PIANP: variants seen among roughly 807,000 people sequenced by gnomAD.
PIANP encodes the protein PILR alpha-associated neural protein.
A neutral mutation model predicts 28.9 loss-of-function variants in PIANP; 14 were observed. The observed-to-expected ratio is 0.49, with a 90% CI of 0.32 to 0.76. The LOEUF (loss-of-function observed/expected upper bound fraction) is 0.76. PIANP is among the 30% of genes least tolerant of loss of function. The probability of loss-of-function intolerance (pLI) is 0.03; values close to 1 mark genes in which losing one functional copy is unlikely to be tolerated. For synonymous variants in PIANP, 149 were observed against 156.6 expected, an observed-to-expected ratio of 0.95 and a Z score of 0.36; for missense variants, 322 against 371.8, an observed-to-expected ratio of 0.87 and a Z score of 1.10.
At position 6,700,795 on chromosome 12, in the gene PIANP, C is replaced by G. The variant is rs1355543431; in HGVS notation, c.-225G>C. On this transcript the variant is annotated 5_prime_UTR_variant, in exon 1 of 5. Coordinates refer to ENST00000534837, the MANE Select transcript of PIANP (RefSeq NM_001244014.2). The surrounding 1 kb of genome is among the most constrained non-coding windows in gnomAD (Gnocchi z 5.5). ...CGGCGGCGGTGGGAGATGCTCGCCT[C>G]GGCTCGGCTCGGCTCGGCTCGGCTG... 2.0e-5 allele frequency: 3 copies of G among 150,756 alleles called. No homozygotes were observed. Among genetic ancestry groups the G allele is most frequent in the African/African-American group, 4.9e-5 (2 of 40,948 alleles). 9.3% of individuals were successfully genotyped at this position (150,756 alleles called of 1,614,324 possible).
rs949451533 is a variant in PIANP at position 6,694,394 on chromosome 12, C to G, written c.*1032G>C. 1.3e-5 allele frequency: 2 copies of G among 152,510 alleles called. No individual in the cohort carries two copies. The highest frequency in any genetic ancestry group is 4.8e-5 in the African/African-American group (2 of 41,408). 9.4% of individuals were successfully genotyped at this position (152,510 alleles called of 1,614,324 possible). Reference sequence around the variant, plus strand: ...CCAAGGGGGAGCCCTCAGGGTGATGCCGGCATCCTTGGAGTAGGATGGGGA... The same window carrying G: ...CCAAGGGGGAGCCCTCAGGGTGATGGCGGCATCCTTGGAGTAGGATGGGGA... On this transcript the variant is annotated 3_prime_UTR_variant, in exon 5 of 5. Coordinates refer to ENST00000534837, the MANE Select transcript of PIANP (RefSeq NM_001244014.2). This position sits in a 1 kb window ranked among gnomAD's most constrained non-coding sequence, Gnocchi z 6.1.
In PIANP at chr12:6,697,461, C is replaced by T. The variant is rs1019797224; in HGVS notation, c.349G>A (p.Gly117Arg). 6.2e-7 allele frequency: 1 copy of T among 1,613,934 alleles called. No homozygotes were observed. Among genetic ancestry groups the T allele is most frequent in the Non-Finnish European group, 8.5e-7 (1 of 1,179,904 alleles). Residue 117 changes from glycine to arginine, a missense_variant, in exon 3 of 5, where the codon GGA (glycine) becomes AGA (arginine). Gly to Arg is a moderately radical substitution (Grantham distance 125). Coordinates refer to ENST00000534837, the MANE Select transcript of PIANP (RefSeq NM_001244014.2). This position sits in a 1 kb window ranked among gnomAD's most constrained non-coding sequence, Gnocchi z 6.9. Reference sequence around the variant, plus strand: ...GGATTGGCAGAGTTGGGGTCCCCTCCATCCTCTCGAGACACGGTGGGACCC... The same window carrying T: ...GGATTGGCAGAGTTGGGGTCCCCTCTATCCTCTCGAGACACGGTGGGACCC... ...VWGPTVSRED[G>R]GDPNSANPGF...
In PIANP at chr12:6,695,033, G is replaced by T; in HGVS notation, c.*393C>A. On this transcript the variant is annotated 3_prime_UTR_variant, in exon 5 of 5. Coordinates refer to ENST00000534837, the MANE Select transcript of PIANP (RefSeq NM_001244014.2). The surrounding 1 kb of genome is among the most constrained non-coding windows in gnomAD (Gnocchi z 4.2). ...GCTTGGCTGCACCCCAACATTGGGG[G>T]CATCACAGATTCACCAGGGGAATCC... The T allele has an allele frequency of 6.4e-7, 1 of 1,566,428 alleles. No individual in the cohort carries two copies. The highest frequency in any genetic ancestry group is 1.2e-5 in the South Asian group (1 of 84,830).
chr12:6,696,368 T>A lies in PIANP; in HGVS notation c.605+75A>T. On this transcript the variant is annotated intron_variant, in intron 4 of 4. Coordinates refer to ENST00000534837, the MANE Select transcript of PIANP (RefSeq NM_001244014.2). This position sits in a 1 kb window ranked among gnomAD's most constrained non-coding sequence, Gnocchi z 4.0. The stretch of plus-strand genomic sequence containing the variant: ...CACCCCCCAGCAAAATTGCTGCCAC[T>A]GCCCCTCGTGGTTAGAGCCTCGACT... The A allele has an allele frequency of 9.2e-5, 95 of 1,028,800 alleles. No homozygotes were observed. Among genetic ancestry groups the A allele is most frequent in the Middle Eastern group, 2.1e-4 (1 of 4,658 alleles). The allele number at this position is 1,028,800 out of a possible 1,614,324, so 63.7% of individuals were successfully genotyped here.
At position 6,696,398 on chromosome 12, in the gene PIANP, A is replaced by C; in HGVS notation, c.605+45T>G. ...CTCGTGGTTAGAGCCTCGACTGCCA[A>C]ACATTCCGTCCCCATCCACCAGCAC... On this transcript the variant is annotated intron_variant, in intron 4 of 4. Transcript: ENST00000534837. The surrounding 1 kb of genome is among the most constrained non-coding windows in gnomAD (Gnocchi z 4.0). The C allele has an allele frequency of 6.8e-7, 1 of 1,478,590 alleles. No individual in the cohort carries two copies. Among genetic ancestry groups the C allele is most frequent in the Non-Finnish European group, 9.1e-7 (1 of 1,095,022 alleles). 91.6% of individuals were successfully genotyped at this position (1,478,590 alleles called of 1,614,324 possible).
At position 6,695,119 on chromosome 12, in the gene PIANP, A is replaced by C; in HGVS notation, c.*307T>G. On this transcript the variant is annotated 3_prime_UTR_variant, in exon 5 of 5. Coordinates refer to ENST00000534837, the MANE Select transcript of PIANP (RefSeq NM_001244014.2). The surrounding 1 kb of genome is among the most constrained non-coding windows in gnomAD (Gnocchi z 4.2). ...AGGGGTAGGCCAGAATAGAAGGGGA[A>C]GTTCAAGACAAAGAGGGGGAATCAA... 4 of 1,536,070 alleles carry C rather than the reference A, an allele frequency of 2.6e-6. No individual in the cohort carries two copies. Among genetic ancestry groups the C allele is most frequent in the Non-Finnish European group, 3.5e-6 (4 of 1,140,926 alleles).
rs1959843106 is a variant in PIANP at position 6,695,749 on chromosome 12, C to T, written c.606-98G>A. On this transcript the variant is annotated intron_variant, in intron 4 of 4. Transcript: ENST00000534837. This position sits in a 1 kb window ranked among gnomAD's most constrained non-coding sequence, Gnocchi z 4.2. ...ACCCCCAGCCTCGCCCAGTCACTCC[C>T]AACATCTTATAGCAGAGAAACTGGC... The T allele has an allele frequency of 7.7e-7, 1 of 1,305,198 alleles. No homozygotes were observed. The highest frequency in any genetic ancestry group is 3.5e-5 in the Admixed American group (1 of 28,504). 80.9% of individuals were successfully genotyped at this position (1,305,198 alleles called of 1,614,324 possible).
At position 6,694,992 on chromosome 12, in the gene PIANP, G is replaced by A. The variant is rs960251329; in HGVS notation, c.*434C>T. 32 of 1,538,822 alleles carry A rather than the reference G, an allele frequency of 2.1e-5. No individual in the cohort carries two copies. Among genetic ancestry groups the A allele is most frequent in the Middle Eastern group, 1.9e-4 (1 of 5,372 alleles). ...CCCTCAGTGGGATGGGGGCTGTGCCGGCCCCTTGGCCTCCTGCTTGGCTGC... is the reference window on the plus strand; with the variant it reads ...CCCTCAGTGGGATGGGGGCTGTGCCAGCCCCTTGGCCTCCTGCTTGGCTGC... On this transcript the variant is annotated 3_prime_UTR_variant, in exon 5 of 5. Transcript: ENST00000534837. The surrounding 1 kb of genome is among the most constrained non-coding windows in gnomAD (Gnocchi z 6.1).
rs1179949542 is a variant in PIANP at position 6,695,814 on chromosome 12, G to A, written c.606-163C>T. Among the ~76,000 whole-genome samples, 2 of 151,980 alleles carry A rather than the reference G, an allele frequency of 1.3e-5. No individual in the cohort carries two copies. The highest frequency in any genetic ancestry group is 2.9e-5 in the Non-Finnish European group (2 of 67,970). On this transcript the variant is annotated intron_variant, in intron 4 of 4. Transcript: ENST00000534837. This position sits in a 1 kb window ranked among gnomAD's most constrained non-coding sequence, Gnocchi z 4.2. ...TCTACTAAATCCCCTGGGACTCTGT[G>A]CCCATAAAGCCACTTCCCCTGCCCT...
rs1959888801 is a variant in PIANP, at chr12:6,697,127, C to A, written c.523+160G>T. On this transcript the variant is annotated intron_variant, in intron 3 of 4. Transcript: ENST00000534837. This position sits in a 1 kb window ranked among gnomAD's most constrained non-coding sequence, Gnocchi z 6.9. ...TTTCATGTCTGTCTGCTCCAGTGGA[C>A]CTGAACTCCGAGAGGGTGTCTTTAT... Among the ~76,000 whole-genome samples the A allele has an allele frequency of 6.6e-6, 1 of 152,228 alleles. No homozygotes were observed.
In PIANP at chr12:6,698,043, AC is replaced by A. The variant is rs1410350194; in HGVS notation, c.17+1del. On this transcript the variant is annotated splice_donor_variant, in intron 2 of 4. Coordinates refer to ENST00000534837, the MANE Select transcript of PIANP (RefSeq NM_001244014.2). LOFTEE classifies it high-confidence loss of function. ...AGGCTCCCTCTGCTGGGCCAAACTT[AC>A]CACATCCTGGACTCCATGTCTGAGG... 6.4e-7 allele frequency: 1 copy of A among 1,561,782 alleles called. No individual in the cohort carries two copies. Among genetic ancestry groups the A allele is most frequent in the Non-Finnish European group, 8.7e-7 (1 of 1,151,802 alleles).
Position 6,695,088 on chromosome 12 carries a change from GA to G in PIANP, c.*337del. 1 of 1,570,550 alleles carries G rather than the reference GA, an allele frequency of 6.4e-7. No homozygotes were observed. Among genetic ancestry groups the G allele is most frequent in the African/African-American group, 1.4e-5 (1 of 73,946 alleles). On this transcript the variant is annotated 3_prime_UTR_variant, in exon 5 of 5. Transcript: ENST00000534837. This position sits in a 1 kb window ranked among gnomAD's most constrained non-coding sequence, Gnocchi z 4.2. ...AGGAAGAGGGAAAGGGCACAGTCAGGAACCAAGGGGTAGGCCAGAATAGAAG... is the reference window on the plus strand; with the variant it reads ...AGGAAGAGGGAAAGGGCACAGTCAGGACCAAGGGGTAGGCCAGAATAGAAG...
In PIANP at chr12:6,697,969, G is replaced by C; in HGVS notation, c.17+76C>G. On this transcript the variant is annotated intron_variant, in intron 2 of 4. Coordinates refer to ENST00000534837, the MANE Select transcript of PIANP (RefSeq NM_001244014.2). This position sits in a 1 kb window ranked among gnomAD's most constrained non-coding sequence, Gnocchi z 6.9. ...ATGGCCCTCAGGATGGGAAGGCTCT[G>C]GATGGGTCTAGGAAGGAAGGAGTCA... is the stretch of plus-strand genomic sequence containing the variant. The C allele has an allele frequency of 6.5e-7, 1 of 1,539,998 alleles. No individual in the cohort carries two copies. The highest frequency in any genetic ancestry group is 1.2e-5 in the South Asian group (1 of 83,820).
Position 6,696,451 on chromosome 12 carries a change from G to A in PIANP, c.597C>T (p.Phe199=). ...IIVLVATGII[F]KFCWDRSQKR... is the part of the protein sequence containing the mutation. ...TCCTCCTCCCAGCTTACCAGAACTT[G>A]AAGATGATGCCAGTGGCCACGAGAA... Residue 199 remains phenylalanine (F), a synonymous_variant, in exon 4 of 5, where the codon TTC becomes TTT. Coordinates refer to ENST00000534837, the MANE Select transcript of PIANP (RefSeq NM_001244014.2). The surrounding 1 kb of genome is among the most constrained non-coding windows in gnomAD (Gnocchi z 4.0). The A allele has an allele frequency of 6.3e-7, 1 of 1,598,214 alleles. No homozygotes were observed. Among genetic ancestry groups the A allele is most frequent in the Non-Finnish European group, 8.5e-7 (1 of 1,172,680 alleles).
In PIANP at chr12:6,696,764, G is replaced by A. The variant is rs1189832858; in HGVS notation, c.524-240C>T. Reference sequence around the variant, plus strand: ...ACCAAATCTTATGTGTATATGTGATGAGGATGAGGCCCCATGATCAGCGAG... The same window carrying A: ...ACCAAATCTTATGTGTATATGTGATAAGGATGAGGCCCCATGATCAGCGAG... On this transcript the variant is annotated intron_variant, in intron 3 of 4. Transcript: ENST00000534837. This position sits in a 1 kb window ranked among gnomAD's most constrained non-coding sequence, Gnocchi z 4.0. Among the ~76,000 whole-genome samples, 2 of 152,146 alleles carry A rather than the reference G, an allele frequency of 1.3e-5. No individual in the cohort carries two copies. Among genetic ancestry groups the A allele is most frequent in the African/African-American group, 4.8e-5 (2 of 41,420 alleles).
chr12:6,697,811 C>G lies in PIANP; in HGVS notation c.18-19G>C, dbSNP rs540288007. ...CGCAGGCCTGCAAGAAGGGAGAGAG[C>G]GTGGCTGAGACACAGGCCTACTGTG... On this transcript the variant is annotated intron_variant, in intron 2 of 4. Coordinates refer to ENST00000534837, the MANE Select transcript of PIANP (RefSeq NM_001244014.2). This position sits in a 1 kb window ranked among gnomAD's most constrained non-coding sequence, Gnocchi z 6.9. 1 of 1,515,508 alleles carries G rather than the reference C, an allele frequency of 6.6e-7. No individual in the cohort carries two copies. Among genetic ancestry groups the G allele is most frequent in the Non-Finnish European group, 8.8e-7 (1 of 1,133,928 alleles). 93.9% of individuals were successfully genotyped at this position (1,515,508 alleles called of 1,614,324 possible).
rs1959865308 is a variant in PIANP at position 6,696,450 on chromosome 12, T to C, written c.598A>G (p.Lys200Glu). The change falls in exon 4 of 5, where the codon AAG (lysine) becomes GAG (glutamate). Residue 200 changes from lysine (K) to glutamate (E), a missense_variant. By Grantham distance (56) the Lys-to-Glu change is moderately conservative. Coordinates refer to ENST00000534837, the MANE Select transcript of PIANP (RefSeq NM_001244014.2). This position sits in a 1 kb window ranked among gnomAD's most constrained non-coding sequence, Gnocchi z 4.0. The part of the protein sequence containing the change: ...IVLVATGIIF[K>E]FCWDRSQKRR... ...TTCCTCCTCCCAGCTTACCAGAACT[T>C]GAAGATGATGCCAGTGGCCACGAGA... 1.9e-6 allele frequency: 3 copies of C among 1,597,120 alleles called. No individual in the cohort carries two copies. The Admixed American group carries it at 5.2e-5, about 28-fold the overall frequency.
Position 6,697,457 on chromosome 12 carries a change from C to T in PIANP, c.353G>A (p.Gly118Glu). ...WGPTVSREDG[G>E]DPNSANPGFL... ...TCCGGGATTGGCAGAGTTGGGGTCC[C>T]CTCCATCCTCTCGAGACACGGTGGG... The change falls in exon 3 of 5, where the codon GGG (glycine) becomes GAG (glutamate). Residue 118 changes from glycine to glutamate, a missense_variant. By Grantham distance (98) the Gly-to-Glu change is moderately conservative (BLOSUM62 -2). Coordinates refer to ENST00000534837, the MANE Select transcript of PIANP (RefSeq NM_001244014.2). The surrounding 1 kb of genome is among the most constrained non-coding windows in gnomAD (Gnocchi z 6.9). 6.2e-7 allele frequency: 1 copy of T among 1,614,036 alleles called. No individual in the cohort carries two copies. Among genetic ancestry groups the T allele is most frequent in the Non-Finnish European group, 8.5e-7 (1 of 1,179,894 alleles).
rs1448942230 is a variant in PIANP at position 6,696,936 on chromosome 12, C to T, written c.523+351G>A. Among the ~76,000 whole-genome samples the T allele has an allele frequency of 6.6e-6, 1 of 152,200 alleles. No homozygotes were observed. The highest frequency in any genetic ancestry group is 1.9e-4 in the East Asian group (1 of 5,192). ...TAGTGCCCTTCATTCATGGCATTCT[C>T]TGCCCAGAATACTCCCACTCTCTTT... On this transcript the variant is annotated intron_variant, in intron 3 of 4. Coordinates refer to ENST00000534837, the MANE Select transcript of PIANP (RefSeq NM_001244014.2). This position sits in a 1 kb window ranked among gnomAD's most constrained non-coding sequence, Gnocchi z 4.0.
Sources: allele counts gnomAD v4.1 joint callset (sites outside exome capture counted in the v4.1 genomes callset), GRCh38; gene constraint gnomAD v4.1.1; non-coding constraint Gnocchi (gnomAD v3.1); transcripts MANE v1.5; gene names NCBI Gene and HGNC (gene_info 2026-07-23, HGNC 2026-07-21).